MRC1: variants seen among roughly 807,000 people sequenced by gnomAD.
MRC1 encodes the protein mannose receptor C-type 1, also known as macrophage mannose receptor 1.
A neutral mutation model predicts 102.9 loss-of-function variants in MRC1; 62 were observed. That is an observed-to-expected ratio of 0.60 (90% CI 0.49 to 0.74). The LOEUF (loss-of-function observed/expected upper bound fraction) is 0.74, where lower values mean the gene tolerates loss of function less well. Ranked by LOEUF, MRC1 falls within the 30% of genes least tolerant of loss-of-function variation. The pLI, the probability that MRC1 is intolerant of heterozygous loss-of-function variation, is 0.00. For synonymous variants in MRC1, 457 were observed against 298.4 expected, an observed-to-expected ratio of 1.53 and a Z score of -5.48; for missense variants, 1,237 against 862.8, an observed-to-expected ratio of 1.43 and a Z score of -5.43.
rs1833913195 is a variant in MRC1 at position 17,907,593 on chromosome 10, C to A, written c.3973C>A (p.Pro1325Thr). The change falls in exon 28 of 30, where the codon CCC (proline) becomes ACC (threonine). Residue 1325 changes from proline to threonine, a missense_variant. Transcript: ENST00000569591. ...CTTTGTCAACTGGAACACAGGAGAT[C>A]CCTCTGGTGAACGGAATGATTGTGT... The part of the protein sequence containing the change: ...VSFVNWNTGD[P>T]SGERNDCVAL... 3 of 780,850 alleles carry A rather than the reference C, an allele frequency of 3.8e-6. No individual in the cohort carries two copies. Among genetic ancestry groups the A allele is most frequent in the Non-Finnish European group, 7.2e-6 (3 of 417,950 alleles). 48.4% of individuals were successfully genotyped at this position (780,850 alleles called of 1,614,324 possible). A position where few individuals can be genotyped will look rare whatever the true frequency, so the allele number is the denominator to read the frequency against.
chr10:17,833,561 GGAAA>G (rs1444986629), intron 3 of MRC1, 110 bp from the exon 4 acceptor site: 2 of 719,266 alleles, frequency 2.8e-6, no homozygotes, highest in South Asian at 1.6e-5. Context: ...AAAAAAGAAA[GGAAA>G]GAAAGAAAGT....
At chr10:17,847,728 G>A (rs1838846716) in intron 6 of MRC1, among the ~76,000 whole-genome samples, 1 of 152,176 alleles carries the variant, frequency 6.6e-6, no homozygotes, top group African/African-American at 2.4e-5. Context: ...CATCTTCTGT[G>A]GCTGCCCCAG....
intron 5 of MRC1, among the ~76,000 whole-genome samples, chr10:17,843,353 CTT>C (rs530211206): frequency 0.014 from 2,175 of 152,174 alleles, 58 homozygotes; most frequent in African/African-American, 0.05. Context: ...TTTATGATAA[CTT>C]TATGCTTATT....
intron 6 of MRC1, 105 bp from the exon 7 acceptor site, chr10:17,849,474 A>C (rs1440472943): frequency 3.0e-6 from 2 of 661,910 alleles, no homozygotes; most frequent in Admixed American, 4.7e-5. Flanking sequence ...TTATTTGCCT[A>C]GTAACTATAA....
intron 22 of MRC1, among the ~76,000 whole-genome samples, chr10:17,886,579 T>A (rs1833598657): frequency 6.6e-6 from 1 of 152,110 alleles, no homozygotes; most frequent in African/African-American, 2.4e-5. Context: ...TTTTTGCATT[T>A]TTAGTAGAGA....
chr10:17,886,550 C>T (rs1219953857), intron 22 of MRC1, among the ~76,000 whole-genome samples: 1 of 152,006 alleles, frequency 6.6e-6, no homozygotes, highest in African/African-American at 2.4e-5. Context: ...TACAGGTGCC[C>T]ACCACCATGC....
intron 19 of MRC1, among the ~76,000 whole-genome samples, chr10:17,880,213 T>C (rs951538753): frequency 2.6e-5 from 4 of 152,186 alleles, no homozygotes; most frequent in African/African-American, 4.8e-5. Flanking sequence ...AAATACTATG[T>C]AGATGCTCGG....
chr10:17,887,389 T>TCAAAA (rs1197311209), intron 22 of MRC1, among the ~76,000 whole-genome samples: 168 of 152,052 alleles, frequency 1.1e-3, no homozygotes, highest in Middle Eastern at 3.4e-3. Context: ...AGACTCCGCC[T>TCAAAA]CAAAACAAAA....
In MRC1 at chr10:17,827,952, G is replaced by A. The variant is rs962822444; in HGVS notation, c.637+237G>A. On this transcript the variant is annotated intron_variant, in intron 3 of 29. Coordinates refer to ENST00000569591, the MANE Select transcript of MRC1 (RefSeq NM_002438.4). ...ACTTTATACTGTAGGCTTTGTATGT[G>A]TATTTTGATTTTGCCAGTAAGACTA... Among the ~76,000 whole-genome samples, 397 of 152,274 alleles carry A rather than the reference G, an allele frequency of 2.6e-3. 1 individual carries two copies. Among genetic ancestry groups the A allele is most frequent in the African/African-American group, 8.8e-3 (364 of 41,568 alleles).
intron 1 of MRC1, among the ~76,000 whole-genome samples, chr10:17,812,153 A>G (rs1341791091): frequency 6.6e-6 from 1 of 152,172 alleles, no homozygotes; most frequent in Non-Finnish European, 1.5e-5. Flanking sequence ...GCTGCTGCCA[A>G]CGGATGGGCT....
At chr10:17,903,395 T>TC (rs1243053660) in intron 26 of MRC1, among the ~76,000 whole-genome samples, 4 of 135,064 alleles carry the variant, frequency 3.0e-5, no homozygotes, top group East Asian at 4.1e-4. Context: ...TTTTTTTCTT[T>TC]TTTTTTTTTT....
At chr10:17,885,995 A>C (rs1377481201) in intron 22 of MRC1, among the ~76,000 whole-genome samples, 1 of 152,192 alleles carries the variant, frequency 6.6e-6, no homozygotes, top group Admixed American at 6.5e-5. Flanking sequence ...ACACCATGTT[A>C]GGGATTATAA....
intron 22 of MRC1, among the ~76,000 whole-genome samples, chr10:17,889,006 C>T (rs1175583058): frequency 6.6e-6 from 1 of 152,176 alleles, no homozygotes; most frequent in Admixed American, 6.5e-5. Flanking sequence ...TCCGCTAGAT[C>T]ATTACGTAAT....
Position 17,863,545 on chromosome 10 carries a change from C to A in MRC1, c.1646C>A (p.Ala549Asp), listed in dbSNP as rs1030468246. The change falls in exon 11 of 30, where the codon GCC (alanine) becomes GAC (aspartate). Residue 549 changes from alanine to aspartate, a missense_variant. By Grantham distance (126) the Ala-to-Asp change is moderately radical. Transcript: ENST00000569591. ...LTTIEDRYEQAFLTSFVGLRP... is the reference protein window; with the variant it reads ...LTTIEDRYEQDFLTSFVGLRP... ...TCTTCTTTTTAAAGATATGAACAAG[C>A]CTTCCTGACTAGTTTCGTTGGCTTA... is the stretch of plus-strand genomic sequence containing the variant. 9.9e-5 allele frequency: 77 copies of A among 780,818 alleles called. No homozygotes were observed. Among genetic ancestry groups the A allele is most frequent in the African/African-American group, 3.4e-5 (2 of 59,228 alleles). 48.4% of individuals were successfully genotyped at this position (780,818 alleles called of 1,614,324 possible).
chr10:17,903,392 CTTTTTTTTTTTTTTT>C (rs35118275), intron 26 of MRC1, among the ~76,000 whole-genome samples: 1 of 88,864 alleles, frequency 1.1e-5, no homozygotes, highest in Non-Finnish European at 2.2e-5. Context: ...CTTTTTTTTT[CTTTTTTTTTTTTTTT>C]TTTTTTGAGA....
intron 1 of MRC1, among the ~76,000 whole-genome samples, chr10:17,820,270 A>G (rs1232505411): frequency 1.3e-5 from 2 of 152,128 alleles, no homozygotes; most frequent in African/African-American, 2.4e-5. Flanking sequence ...AGATTTCACT[A>G]TTGCCTTAGG....
intron 23 of MRC1, among the ~76,000 whole-genome samples, chr10:17,896,588 A>G (rs1833758668): frequency 1.3e-5 from 2 of 152,232 alleles, no homozygotes; most frequent in African/African-American, 4.8e-5. Context: ...GACTTAAGGA[A>G]AGATTCACAG....
At chr10:17,862,292 A>G (rs954125993) in intron 10 of MRC1, among the ~76,000 whole-genome samples, 3 of 152,188 alleles carry the variant, frequency 2.0e-5, no homozygotes, top group Admixed American at 6.5e-5. Flanking sequence ...CTGTATTTCT[A>G]TCCACATGCT....
At chr10:17,887,632 A>C (rs1833618209) in intron 22 of MRC1, among the ~76,000 whole-genome samples, 2 of 152,302 alleles carry the variant, frequency 1.3e-5, no homozygotes, top group Admixed American at 6.5e-5. Flanking sequence ...ACATAAAGAA[A>C]GGCAGAAACA....
Sources: allele counts gnomAD v4.1 joint callset (sites outside exome capture counted in the v4.1 genomes callset), GRCh38; gene constraint gnomAD v4.1.1; transcripts MANE v1.5; gene names NCBI Gene and HGNC (gene_info 2026-07-23, HGNC 2026-07-21).